Variants in RNFT2 observed in about 807,000 individuals in gnomAD.
RNFT2 encodes the protein ring finger protein, transmembrane 2, also known as E3 ubiquitin-protein ligase RNFT2.
A neutral mutation model predicts 53.0 loss-of-function variants in RNFT2; 36 were observed. The observed-to-expected ratio is 0.68, with a 90% CI of 0.52 to 0.90. The LOEUF (loss-of-function observed/expected upper bound fraction) is 0.90. Among genes scored for constraint, RNFT2 ranks in the 40% least tolerant of loss-of-function variants. RNFT2 has a pLI of 0.00. For synonymous variants in RNFT2, 260 were observed against 253.2 expected (o/e 1.03, Z -0.26); for missense variants, 514 against 585.6 (o/e 0.88, Z 1.26).
At chr12:116,843,550 G>A (rs1482378643) in intron 10 of RNFT2, among the ~76,000 whole-genome samples, 1 of 149,430 alleles carries the variant, frequency 6.7e-6, no homozygotes, top group South Asian at 2.1e-4. Context: ...AACAATCCAG[G>A]GCCACCTGCC....
At chr12:116,799,915 G>A (rs1448111804) in intron 7 of RNFT2, among the ~76,000 whole-genome samples, 1 of 152,190 alleles carries the variant, frequency 6.6e-6, no homozygotes, top group African/African-American at 2.4e-5. Context: ...GCGCTTAGTA[G>A]GAGTTGTTTG....
At chr12:116,749,619 G>A (rs1311275609) in intron 3 of RNFT2, among the ~76,000 whole-genome samples, 1 of 152,004 alleles carries the variant, frequency 6.6e-6, no homozygotes, top group East Asian at 1.9e-4. Flanking sequence ...ACTGGATTGG[G>A]ACCCACTCCA....
chr12:116,825,989 A>T (rs529368386), intron 7 of RNFT2, among the ~76,000 whole-genome samples: 1 of 152,230 alleles, frequency 6.6e-6, no homozygotes, highest in South Asian at 2.1e-4. Context: ...TACAGAAAAA[A>T]AAAGGTTTCA....
chr12:116,771,492 A>AT (rs751202230), intron 6 of RNFT2, among the ~76,000 whole-genome samples: 29 of 109,270 alleles, frequency 2.7e-4, no homozygotes, highest in African/African-American at 1.0e-3. Context: ...AAAAAAAAAA[A>AT]AAATACGTAT....
Position 116,850,620 on chromosome 12 carries a change from C to CTTCTTTCTTTTTTTT in RNFT2, c.*1174_*1175insCTTTCTTTTTTTTTT, listed in dbSNP as rs1877873585. ...TGTGAAGTATTTTTTCTTTTCTTTT[C>CTTCTTTCTTTTTTTT]TTTTTTTTTTTTTTTTTGTTGTTGT... On this transcript the variant is annotated 3_prime_UTR_variant, in exon 11 of 11. Transcript: ENST00000257575. The CTTCTTTCTTTTTTTT allele has an allele frequency of 7.6e-6, 1 of 131,036 alleles. No homozygotes were observed. Among genetic ancestry groups the CTTCTTTCTTTTTTTT allele is most frequent in the Non-Finnish European group, 1.6e-5 (1 of 61,756 alleles). The allele number at this position is 131,036 out of a possible 1,614,324, so 8.1% of individuals were successfully genotyped here.
In RNFT2 at chr12:116,740,520, A is replaced by G. The variant is rs752783684; in HGVS notation, c.23A>G (p.Gln8Arg). 1 of 1,571,252 alleles carries G rather than the reference A, an allele frequency of 6.4e-7. No homozygotes were observed. The highest frequency in any genetic ancestry group is 1.2e-5 in the South Asian group (1 of 85,378). MWLFTVN[Q>R]VLRKMQRRHS... ...TCCATGTGGCTCTTCACAGTGAATC[A>G]GGTGACACGTCTCCAAGAGAATTTG... Residue 8 changes from glutamine to arginine, a missense_variant and splice_region_variant, in exon 2 of 11, where the codon CAG (glutamine) becomes CGG (arginine). By Grantham distance (43) the Gln-to-Arg change is conservative. Coordinates refer to ENST00000257575, the MANE Select transcript of RNFT2 (RefSeq NM_001382266.1).
chr12:116,763,392 C>G (rs1872768174), intron 5 of RNFT2, among the ~76,000 whole-genome samples: 1 of 152,066 alleles, frequency 6.6e-6, no homozygotes, highest in Non-Finnish European at 1.5e-5. Context: ...GGCATGAATG[C>G]GGGAACACTT....
In RNFT2 at chr12:116,849,929, C is replaced by T. The variant is rs1877832311; in HGVS notation, c.*481C>T. ...CACAATCTCGGCTCGCTGCAACCTC[C>T]ACCTCCTGGGTTCAAGCGATTCTCC... On this transcript the variant is annotated 3_prime_UTR_variant, in exon 11 of 11. Coordinates refer to ENST00000257575, the MANE Select transcript of RNFT2 (RefSeq NM_001382266.1). 6.3e-6 allele frequency: 1 copy of T among 158,562 alleles called. No homozygotes were observed. Among genetic ancestry groups the T allele is most frequent in the African/African-American group, 2.5e-5 (1 of 39,720 alleles). 9.8% of individuals were successfully genotyped at this position (158,562 alleles called of 1,614,324 possible). A position where few individuals can be genotyped will look rare whatever the true frequency, so the allele number is the denominator to read the frequency against.
At chr12:116,783,121 G>A (rs61306390) in intron 7 of RNFT2, among the ~76,000 whole-genome samples, 3,449 of 152,170 alleles carry the variant, frequency 0.023, 135 homozygotes, top group African/African-American at 0.078. Flanking sequence ...GCTACCACCC[G>A]GTAGGAGATA....
intron 3 of RNFT2, among the ~76,000 whole-genome samples, chr12:116,747,725 C>T (rs1871964015): frequency 6.6e-6 from 1 of 152,114 alleles, no homozygotes; most frequent in Admixed American, 6.5e-5. Flanking sequence ...TCAGTAAGCT[C>T]ATGGTACATC....
At chr12:116,839,512 G>A (rs1188008582) in intron 10 of RNFT2, among the ~76,000 whole-genome samples, 2 of 151,610 alleles carry the variant, frequency 1.3e-5, no homozygotes, top group Non-Finnish European at 2.9e-5. Context: ...GTGAGTGAAC[G>A]GTAGGTGGAC....
At chr12:116,748,334 G>A (rs1872010327) in intron 3 of RNFT2, among the ~76,000 whole-genome samples, 1 of 152,194 alleles carries the variant, frequency 6.6e-6, no homozygotes, top group South Asian at 2.1e-4. Context: ...CGCCAGCAGT[G>A]GCTCTGCAAG....
At chr12:116,806,007 A>T (rs1875029713) in intron 7 of RNFT2, among the ~76,000 whole-genome samples, 2 of 152,228 alleles carry the variant, frequency 1.3e-5, no homozygotes, top group Non-Finnish European at 2.9e-5. Flanking sequence ...CTGAATCGAG[A>T]CATTAAACTA....
At chr12:116,783,771 G>C (rs1463114385) in intron 7 of RNFT2, among the ~76,000 whole-genome samples, 1 of 152,254 alleles carries the variant, frequency 6.6e-6, no homozygotes, top group African/African-American at 2.4e-5. Flanking sequence ...AGAGGAGCAA[G>C]ACAGGCGGAG....
rs1465646224 is a variant in RNFT2, at chr12:116,806,381, A to AAAATAT, written c.882+27034_882+27035insAATATA. ...TGAGACTGTCTCAAAAAAAAAAAAA[A>AAAATAT]ATATATATATATATATATAGATAGA... On this transcript the variant is annotated intron_variant, in intron 7 of 10. Transcript: ENST00000257575. Among the ~76,000 whole-genome samples, 433 of 133,382 alleles carry AAAATAT rather than the reference A, an allele frequency of 3.2e-3. 1 individual carries two copies. The highest frequency in any genetic ancestry group is 8.7e-3 in the South Asian group (37 of 4,256). 87.5% of individuals were successfully genotyped at this position (133,382 alleles called of 152,430 possible).
At chr12:116,766,776 G>T (rs752998069) in intron 5 of RNFT2, 38 bp from the exon 6 acceptor site, 1 of 1,481,448 alleles carries the variant, frequency 6.8e-7, no homozygotes, top group South Asian at 1.2e-5. Flanking sequence ...TCTGCCACAT[G>T]CACCTTTGAT....
At position 116,744,700 on chromosome 12, in the gene RNFT2, C is replaced by G. The variant is rs140160330; in HGVS notation, c.83+3606C>G. On this transcript the variant is annotated intron_variant, in intron 3 of 10. Coordinates refer to ENST00000257575, the MANE Select transcript of RNFT2 (RefSeq NM_001382266.1). ...AAGTTGGAAGCACAGCCTCTGTCCC[C>G]CTAAGGAATATTCTTTCCCAGTCAG... 6.2e-3 allele frequency among the ~76,000 whole-genome samples: 947 copies of G among 152,294 alleles called. 7 individuals carry two copies. Among genetic ancestry groups the G allele is most frequent in the Non-Finnish European group, 0.01 (705 of 68,012 alleles).
intron 7 of RNFT2, among the ~76,000 whole-genome samples, chr12:116,807,530 G>A (rs184157321): frequency 1.3e-5 from 2 of 152,162 alleles, no homozygotes; most frequent in East Asian, 3.9e-4. Context: ...CTTGCCTGGG[G>A]TATGTAAATG....
chr12:116,750,404 A>G, intron 4 of RNFT2, 97 bp downstream of exon 4: 3 of 1,191,312 alleles, frequency 2.5e-6, no homozygotes, highest in Non-Finnish European at 3.5e-6. Flanking sequence ...GCCCAGGGAG[A>G]GGCAGCAGAG....
Sources: allele counts gnomAD v4.1 joint callset (sites outside exome capture counted in the v4.1 genomes callset), GRCh38; gene constraint gnomAD v4.1.1; transcripts MANE v1.5; gene names NCBI Gene and HGNC (gene_info 2026-07-23, HGNC 2026-07-21).